Variants in GEMIN8 observed in about 807,000 individuals in gnomAD.
The protein encoded by GEMIN8 is gem-associated protein 8.
For synonymous variants in GEMIN8, 80 were observed against 78.5 expected, an observed-to-expected ratio of 1.02 and a Z score of -0.10; for missense variants, 185 against 205.9, an observed-to-expected ratio of 0.90 and a Z score of 0.62.
the GEMIN8 span, among the ~76,000 whole-genome samples, chrX:13,994,039 A>G: frequency 9.0e-6 from 1 of 111,591 alleles, no homozygotes; most frequent in African/African-American, 3.3e-5. Flanking sequence ...CATAGTTGAG[A>G]ACAGCCAACT....
At chrX:14,021,729 T>C (rs1924329794) in intron 2 of GEMIN8, among the ~76,000 whole-genome samples, 1 of 103,606 alleles carries the variant, frequency 9.7e-6, no homozygotes, top group South Asian at 4.3e-4. Flanking sequence ...GGTCAAAAGA[T>C]CCTGCATGGT....
intron 4 of GEMIN8, among the ~76,000 whole-genome samples, chrX:14,009,617 A>T (rs1471343323): frequency 9.0e-6 from 1 of 111,726 alleles, no homozygotes; most frequent in Non-Finnish European, 1.9e-5. Context: ...AAACCTCTGC[A>T]ACAAGCCCTG....
chrX:14,005,472 G>GAT (rs1923114361), downstream of GEMIN8, among the ~76,000 whole-genome samples: 1 of 111,849 alleles, frequency 8.9e-6, no homozygotes, highest in South Asian at 3.8e-4. Context: ...GAGAGACAAA[G>GAT]AAACTCTGCA....
intron 1 of GEMIN8, among the ~76,000 whole-genome samples, chrX:14,026,751 A>T (rs925184289): frequency 8.9e-6 from 1 of 112,722 alleles, no homozygotes; most frequent in Non-Finnish European, 1.9e-5. Flanking sequence ...AAAGTAAAAT[A>T]AAAACACAAA....
chrX:14,004,996 C>T (rs191855758), downstream of GEMIN8, among the ~76,000 whole-genome samples: 2 of 111,735 alleles, frequency 1.8e-5, no homozygotes, highest in African/African-American at 6.5e-5. Flanking sequence ...GGTCTGCCTG[C>T]CCCCCATTGT....
intron 4 of GEMIN8, among the ~76,000 whole-genome samples, chrX:14,012,525 C>T (rs780468258): frequency 2.2e-4 from 25 of 111,245 alleles, no homozygotes; most frequent in African/African-American, 7.2e-4. Flanking sequence ...CCCTAAAACA[C>T]TGAACTAAAG....
chrX:13,986,723 A>T, the GEMIN8 span, among the ~76,000 whole-genome samples: 1 of 112,287 alleles, frequency 8.9e-6, no homozygotes, highest in Non-Finnish European at 1.9e-5. Flanking sequence ...ACAGGGGCTG[A>T]GAAATGTAGT....
At chrX:14,012,858 G>GC (rs1555946230) in intron 4 of GEMIN8, among the ~76,000 whole-genome samples, 9 of 62,196 alleles carry the variant, frequency 1.4e-4, no homozygotes, top group Non-Finnish European at 3.1e-4. Flanking sequence ...GAGGGGCTAT[G>GC]GGGGGGGGCA....
At chrX:13,997,754 C>T in the GEMIN8 span, among the ~76,000 whole-genome samples, 1 of 109,908 alleles carries the variant, frequency 9.1e-6, no homozygotes, top group South Asian at 3.9e-4. Flanking sequence ...AATTATTAGC[C>T]AGGTGTGGTG....
chrX:14,003,774 T>A (rs1355944167), downstream of GEMIN8, among the ~76,000 whole-genome samples: 1 of 112,402 alleles, frequency 8.9e-6, no homozygotes, highest in African/African-American at 3.2e-5. Flanking sequence ...CATAGGTTTG[T>A]CATAGATAGA....
Position 14,008,475 on chromosome X carries a change from C to T in GEMIN8, c.*438G>A, listed in dbSNP as rs1191493788. ...CTCCACTACAGGTAGTGGTATTTGT[C>T]TCACTACACACTTGGCTCATTTTTA... On this transcript the variant is annotated 3_prime_UTR_variant, in exon 5 of 5. Transcript: ENST00000680255. 7.8e-6 allele frequency: 1 copy of T among 128,878 alleles called. No individual in the cohort carries two copies. Among genetic ancestry groups the T allele is most frequent in the Non-Finnish European group, 1.5e-5 (1 of 65,116 alleles). 10.6% of individuals were successfully genotyped at this position (128,878 alleles called of 1,213,427 possible). A position where few individuals can be genotyped will look rare whatever the true frequency, so the allele number is the denominator to read the frequency against.
At chrX:14,001,033 G>A in the GEMIN8 span, among the ~76,000 whole-genome samples, 6 of 112,022 alleles carry the variant, frequency 5.4e-5, no homozygotes, top group Admixed American at 2.8e-4. Context: ...AGACCTCTCC[G>A]TAACATTTAG....
At chrX:13,997,876 G>C in the GEMIN8 span, among the ~76,000 whole-genome samples, 2 of 97,712 alleles carry the variant, frequency 2.0e-5, no homozygotes, top group Non-Finnish European at 4.1e-5. Flanking sequence ...TCCAGCCTGG[G>C]CGACAGAACA....
chrX:13,993,546 G>A, the GEMIN8 span, among the ~76,000 whole-genome samples: 1 of 106,698 alleles, frequency 9.4e-6, no homozygotes, highest in Non-Finnish European at 1.9e-5. Flanking sequence ...CTCTTGAGCA[G>A]CTGGGACTAC....
chrX:13,986,270 C>A, the GEMIN8 span, among the ~76,000 whole-genome samples: 1 of 112,501 alleles, frequency 8.9e-6, no homozygotes, highest in Non-Finnish European at 1.9e-5. Flanking sequence ...TAGCCCAGAT[C>A]CTCACTCTTG....
the GEMIN8 span, among the ~76,000 whole-genome samples, chrX:13,999,462 G>C: frequency 9.1e-6 from 1 of 110,022 alleles, no homozygotes; most frequent in Admixed American, 9.7e-5. Flanking sequence ...TTTTAGTAGA[G>C]ATGGGGTTTC....
At chrX:14,017,166 T>C (rs1169524118) in intron 4 of GEMIN8, among the ~76,000 whole-genome samples, 1 of 110,236 alleles carries the variant, frequency 9.1e-6, no homozygotes. Flanking sequence ...CAAAGAATGG[T>C]GAAGGCAGGG....
chrX:13,992,720 G>A, the GEMIN8 span, among the ~76,000 whole-genome samples: 1 of 111,889 alleles, frequency 8.9e-6, no homozygotes. Context: ...AGGAACCGAT[G>A]ACAGAAAGAT....
At chrX:13,986,457 A>G in the GEMIN8 span, among the ~76,000 whole-genome samples, 1 of 112,450 alleles carries the variant, frequency 8.9e-6, no homozygotes, top group Non-Finnish European at 1.9e-5. Context: ...TGTTTCATGA[A>G]GTCTTCAATG....
Sources: allele counts gnomAD v4.1 joint callset (sites outside exome capture counted in the v4.1 genomes callset), GRCh38; gene constraint gnomAD v4.1.1; transcripts MANE v1.5; gene names NCBI Gene and HGNC (gene_info 2026-07-23, HGNC 2026-07-21).